HIRA: variants seen among roughly 807,000 people sequenced by gnomAD.
The protein encoded by HIRA is histone cell cycle regulator, also known as protein HIRA.
A neutral mutation model predicts 126.6 loss-of-function variants in HIRA; 13 were observed. The observed-to-expected ratio is 0.10, with a 90% CI of 0.07 to 0.16. HIRA has a LOEUF of 0.16. Among genes scored for constraint, HIRA ranks in the 10% least tolerant of loss-of-function variants. HIRA has a pLI of 1.00. For missense variants in HIRA, 834 were observed against 1,314.4 expected (o/e 0.63, Z 5.65); for synonymous variants, 511 against 520.0 (o/e 0.98, Z 0.24).
At chr22:19,422,540 C>A (rs1030879959) in intron 1 of HIRA, among the ~76,000 whole-genome samples, 1 of 152,152 alleles carries the variant, frequency 6.6e-6, no homozygotes, top group Non-Finnish European at 1.5e-5. Context: ...CTACTAGGCT[C>A]TCCCAATCAG....
chr22:19,376,919 G>A (rs1241038688), intron 14 of HIRA, among the ~76,000 whole-genome samples: 1 of 152,180 alleles, frequency 6.6e-6, no homozygotes, highest in Non-Finnish European at 1.5e-5. Context: ...GGGCACCACC[G>A]CCTAACAGAG....
intron 5 of HIRA, among the ~76,000 whole-genome samples, chr22:19,404,947 G>A (rs370586327): frequency 6.3e-4 from 96 of 152,264 alleles, no homozygotes; most frequent in African/African-American, 2.3e-3. Context: ...ACGACTGGAA[G>A]AACCTCCACT....
chr22:19,431,565 G>GCGCCGCCCGCCCTCCGGC lies in HIRA; in HGVS notation c.-90_-89insGCCGGAGGGCGGGCGGCG. The GCGCCGCCCGCCCTCCGGC allele has an allele frequency of 2.0e-6, 2 of 999,232 alleles. No homozygotes were observed. Among genetic ancestry groups the GCGCCGCCCGCCCTCCGGC allele is most frequent in the African/African-American group, 1.8e-5 (1 of 56,882 alleles). The allele number at this position is 999,232 out of a possible 1,614,324, so 61.9% of individuals were successfully genotyped here. A position where few individuals can be genotyped will look rare whatever the true frequency, so the allele number is the denominator to read the frequency against. Reference sequence around the variant, plus strand: ...GGAGCCACCGCCGCCGCTTCCTCCCGCGCCACCCGCCCTCCGGCCGCCGCC... The same window carrying GCGCCGCCCGCCCTCCGGC: ...GGAGCCACCGCCGCCGCTTCCTCCCGCGCCGCCCGCCCTCCGGCCGCCACCCGCCCTCCGGCCGCCGCC... On this transcript the variant is annotated 5_prime_UTR_variant, in exon 1 of 25. Transcript: ENST00000263208.
At chr22:19,378,730 T>C (rs1345282074) in intron 13 of HIRA, among the ~76,000 whole-genome samples, 1 of 152,226 alleles carries the variant, frequency 6.6e-6, no homozygotes, top group Non-Finnish European at 1.5e-5. Flanking sequence ...AGAACACACA[T>C]TGGCTGCTCA....
At chr22:19,391,681 T>C (rs2089183628) in intron 9 of HIRA, among the ~76,000 whole-genome samples, 1 of 152,018 alleles carries the variant, frequency 6.6e-6, no homozygotes, top group Admixed American at 6.5e-5. Flanking sequence ...GGGGTTTCAC[T>C]GTGTTAGCCA....
At position 19,331,407 on chromosome 22, in the gene HIRA, G is replaced by T. The variant is rs782455614; in HGVS notation, c.*33C>A. ...TCATCAGCGGCGAGAGTGTGGCCCT[G>T]CCCTTGCTGCAGCCAGGGCAGGCTG... On this transcript the variant is annotated 3_prime_UTR_variant, in exon 25 of 25. Coordinates refer to ENST00000263208, the MANE Select transcript of HIRA (RefSeq NM_003325.4). The T allele has an allele frequency of 1.1e-5, 17 of 1,613,070 alleles. No individual in the cohort carries two copies. Among genetic ancestry groups the T allele is most frequent in the Non-Finnish European group, 1.4e-5 (16 of 1,179,896 alleles).
chr22:19,407,412 C>G, intron 3 of HIRA, 138 bp from the exon 4 acceptor site: 1 of 657,096 alleles, frequency 1.5e-6, no homozygotes, highest in South Asian at 1.9e-5. Context: ...GTGAGAGCCC[C>G]AGAAAAACAA....
Position 19,353,528 on chromosome 22 carries a change from A to G in HIRA, c.2685-9T>C. The G allele has an allele frequency of 6.3e-7, 1 of 1,593,086 alleles. No homozygotes were observed. Among genetic ancestry groups the G allele is most frequent in the Non-Finnish European group, 8.5e-7 (1 of 1,170,214 alleles). On this transcript the variant is annotated splice_polypyrimidine_tract_variant and intron_variant, in intron 22 of 24. Coordinates refer to ENST00000263208, the MANE Select transcript of HIRA (RefSeq NM_003325.4). The stretch of plus-strand genomic sequence containing the variant: ...CAGCCTGCCTTCCCGAGCTGCAGAG[A>G]CCAGGAGAGTTTCCATGATGGGGCA...
At chr22:19,400,506 G>C (rs1601845907) in intron 5 of HIRA, among the ~76,000 whole-genome samples, 1 of 152,244 alleles carries the variant, frequency 6.6e-6, no homozygotes, top group African/African-American at 2.4e-5. Flanking sequence ...CTGGAACTTT[G>C]AATGTTTTCA....
At chr22:19,373,939 T>TC (rs1404125742) in intron 15 of HIRA, among the ~76,000 whole-genome samples, 54 of 149,802 alleles carry the variant, frequency 3.6e-4, no homozygotes, top group Non-Finnish European at 6.0e-4. Flanking sequence ...GGCTTTTTTG[T>TC]TCACTCTTAG....
chr22:19,415,555 G>A (rs537702959), intron 1 of HIRA, among the ~76,000 whole-genome samples: 2 of 152,304 alleles, frequency 1.3e-5, no homozygotes, highest in East Asian at 3.9e-4. Flanking sequence ...TTGGGAGGCT[G>A]AGGTGGGTGG....
At chr22:19,331,802 C>T (rs1028497500) in intron 24 of HIRA, among the ~76,000 whole-genome samples, 4 of 152,186 alleles carry the variant, frequency 2.6e-5, no homozygotes, top group Non-Finnish European at 5.9e-5. Context: ...CTCCTCCATC[C>T]GTGGGCACAG....
At position 19,413,232 on chromosome 22, in the gene HIRA, G is replaced by A. The variant is rs375151250; in HGVS notation, c.38-2454C>T. On this transcript the variant is annotated intron_variant, in intron 1 of 24. Transcript: ENST00000263208. ...AATGCCAAGGTCAGATTCACATTCT[G>A]GCTCCACAATAGCAGTGTGGAAAAT... 2.0e-5 allele frequency among the ~76,000 whole-genome samples: 3 copies of A among 152,188 alleles called. 1 individual carries two copies. The highest frequency in any genetic ancestry group is 4.1e-4 in the South Asian group (2 of 4,820).
At chr22:19,420,042 G>T (rs1485702719) in intron 1 of HIRA, among the ~76,000 whole-genome samples, 3 of 98,288 alleles carry the variant, frequency 3.1e-5, no homozygotes, top group South Asian at 3.1e-4. Context: ...TACAACCATT[G>T]TGTGTGTGTG....
At chr22:19,420,827 C>A (rs1312950766) in intron 1 of HIRA, among the ~76,000 whole-genome samples, 2 of 152,210 alleles carry the variant, frequency 1.3e-5, no homozygotes, top group African/African-American at 4.8e-5. Flanking sequence ...ACTGCACTTA[C>A]ATCCCTTAAA....
chr22:19,371,265 C>T (rs1336483379), intron 15 of HIRA, among the ~76,000 whole-genome samples: 1 of 152,190 alleles, frequency 6.6e-6, no homozygotes, highest in Non-Finnish European at 1.5e-5. Flanking sequence ...TCTCTATTGC[C>T]CTGTCTTCAG....
In HIRA at chr22:19,330,844, A is replaced by AT. The variant is rs2088476183; in HGVS notation, c.*595dup. ...TAGACAAGTTAATTTCAGTACAATT[A>AT]TTTTTCAGTGTAGCTGTCATAATTA... On this transcript the variant is annotated 3_prime_UTR_variant, in exon 25 of 25. Transcript: ENST00000263208. 6.2e-6 allele frequency: 1 copy of AT among 161,500 alleles called. No homozygotes were observed. Among genetic ancestry groups the AT allele is most frequent in the Admixed American group, 6.0e-5 (1 of 16,726 alleles). 10.0% of individuals were successfully genotyped at this position (161,500 alleles called of 1,614,324 possible).
At chr22:19,384,140 A>G (rs2089102014) in intron 12 of HIRA, among the ~76,000 whole-genome samples, 1 of 151,994 alleles carries the variant, frequency 6.6e-6, no homozygotes, top group Admixed American at 6.6e-5. Flanking sequence ...CAACATGGTG[A>G]AACCCCGTCT....
intron 15 of HIRA, among the ~76,000 whole-genome samples, chr22:19,363,987 C>A (rs12157572): frequency 0.02 from 3,053 of 152,182 alleles, 116 homozygotes; most frequent in African/African-American, 0.069. Context: ...AAACGTACAA[C>A]ATCAAGAGTA....
Sources: gnomAD v4.1 joint callset for allele counts (sites outside exome capture counted in the v4.1 genomes callset) on GRCh38, gnomAD v4.1.1 for gene constraint, MANE v1.5 for transcripts, NCBI Gene and HGNC (gene_info 2026-07-23, HGNC 2026-07-21) for gene names.